The following MKLN1 variants were observed in gnomAD, a reference collection of about 807,000 sequenced individuals.
MKLN1 encodes the protein muskelin.
MKLN1 carries 18 observed loss-of-function variants against 99.0 expected under a neutral mutation model. The ratio of observed to expected loss-of-function variants is 0.18; its 90% CI spans 0.13 to 0.27. The LOEUF is 0.27. MKLN1 is among the 10% of genes least tolerant of loss of function. The pLI, the probability that MKLN1 is intolerant of heterozygous loss-of-function variation, is 1.00. For missense variants in MKLN1, 621 were observed against 875.9 expected, an observed-to-expected ratio of 0.71 and a Z score of 3.67; for synonymous variants, 288 against 293.2, an observed-to-expected ratio of 0.98 and a Z score of 0.18.
chr7:131,485,645 G>T (rs1044358645), intron 17 of MKLN1, among the ~76,000 whole-genome samples: 1 of 152,082 alleles, frequency 6.6e-6, no homozygotes, highest in Non-Finnish European at 1.5e-5. Context: ...GCCTTCTGAG[G>T]TGATGCACTG....
intron 12 of MKLN1, among the ~76,000 whole-genome samples, chr7:131,462,421 C>T (rs1326290951): frequency 1.3e-5 from 2 of 152,160 alleles, no homozygotes; most frequent in Non-Finnish European, 2.9e-5. Context: ...CTGCGTTTTA[C>T]CTTTTATCAA....
At chr7:131,300,697 A>AAC (rs1315049413) in intron 3 of MKLN1, among the ~76,000 whole-genome samples, 53 of 122,380 alleles carry the variant, frequency 4.3e-4, no homozygotes, top group African/African-American at 1.3e-3. Flanking sequence ...CAAAAAAAAA[A>AAC]AAACAACCAA....
In MKLN1 at chr7:131,171,567, C is replaced by G. The variant is rs186349178; in HGVS notation, c.-297+28626C>G. On this transcript the variant is annotated intron_variant, in intron 2 of 7. Transcript: ENST00000416992. ...CTGCCTCATGGGTTCAAGCGATTTC[C>G]TGCCTCAGCCTCCCAAGTAGCTGGG... is the stretch of plus-strand genomic sequence containing the variant. 8.3e-4 allele frequency among the ~76,000 whole-genome samples: 127 copies of G among 152,218 alleles called. 1 individual carries two copies. The highest frequency in any genetic ancestry group is 3.4e-3 in the Middle Eastern group (1 of 294).
At chr7:131,349,362 A>T (rs1799653869) in intron 1 of MKLN1, among the ~76,000 whole-genome samples, 1 of 151,946 alleles carries the variant, frequency 6.6e-6, no homozygotes, top group East Asian at 1.9e-4. Flanking sequence ...CGCCCAGCTA[A>T]TTTTTTGTAT....
chr7:131,184,192 A>G (rs909693420), intron 2 of MKLN1, among the ~76,000 whole-genome samples: 4 of 152,078 alleles, frequency 2.6e-5, no homozygotes, highest in East Asian at 1.9e-4. Flanking sequence ...GCATGATCAC[A>G]GGCATGACTA....
chr7:131,223,054 T>C (rs1374397185), intron 3 of MKLN1, among the ~76,000 whole-genome samples: 4 of 151,918 alleles, frequency 2.6e-5, no homozygotes, highest in Admixed American at 2.0e-4. Context: ...AATAAATAAA[T>C]ACAGTTTCAG....
chr7:131,296,992 G>T (rs894405986), intron 3 of MKLN1, among the ~76,000 whole-genome samples: 1 of 152,046 alleles, frequency 6.6e-6, no homozygotes, highest in African/African-American at 2.4e-5. Context: ...ACCTGCCTCA[G>T]CCTCCCAAAG....
intron 3 of MKLN1, among the ~76,000 whole-genome samples, chr7:131,292,963 A>G (rs1798243413): frequency 6.6e-6 from 1 of 152,264 alleles, no homozygotes. Context: ...TGATGCAGTA[A>G]GAGGTACACA....
chr7:131,284,475 A>T (rs1196378831), intron 3 of MKLN1, among the ~76,000 whole-genome samples: 1 of 152,100 alleles, frequency 6.6e-6, no homozygotes, highest in Non-Finnish European at 1.5e-5. Context: ...CGCTGAGGTT[A>T]CTCTGGTGCT....
At chr7:131,447,076 C>T (rs998389511) in intron 12 of MKLN1, among the ~76,000 whole-genome samples, 2 of 152,196 alleles carry the variant, frequency 1.3e-5, no homozygotes, top group African/African-American at 4.8e-5. Context: ...CAGTAAATTT[C>T]TTGGCTTTAC....
chr7:131,171,756 C>A (rs1032088964), intron 2 of MKLN1, among the ~76,000 whole-genome samples: 1 of 152,176 alleles, frequency 6.6e-6, no homozygotes, highest in Non-Finnish European at 1.5e-5. Flanking sequence ...CCTCGCCTAG[C>A]CTGTTTGAAT....
chr7:131,179,923 C>T (rs1796355537), intron 2 of MKLN1, among the ~76,000 whole-genome samples: 4 of 149,600 alleles, frequency 2.7e-5, no homozygotes, highest in Admixed American at 6.7e-5. Context: ...GACAAGGTCT[C>T]GCTCTGTCAT....
chr7:131,366,241 A>G lies in MKLN1; in HGVS notation c.99-9183A>G, dbSNP rs190985123. On this transcript the variant is annotated intron_variant, in intron 1 of 17. Coordinates refer to ENST00000352689, the MANE Select transcript of MKLN1 (RefSeq NM_013255.5). ...TTCTAGTTGAAGTTGATTTTTTTTC[A>G]GATCCATTTTATCATATGATTCAAC... Among the ~76,000 whole-genome samples the G allele has an allele frequency of 8.5e-5, 13 of 152,264 alleles. No homozygotes were observed. In the East Asian group the frequency reaches 2.3e-3, roughly 27 times the overall value.
intron 3 of MKLN1, among the ~76,000 whole-genome samples, chr7:131,267,089 T>C (rs1299677957): frequency 6.6e-6 from 1 of 151,968 alleles, no homozygotes; most frequent in African/African-American, 2.4e-5. Flanking sequence ...TCCTAGCACT[T>C]TGGGAGGCCG....
chr7:131,446,837 G>A (rs1796031903), intron 12 of MKLN1, among the ~76,000 whole-genome samples: 1 of 152,164 alleles, frequency 6.6e-6, no homozygotes, highest in Admixed American at 6.5e-5. Context: ...GTCCAGAGAC[G>A]GACATGGGAG....
chr7:131,473,700 A>G (rs1160887370), intron 16 of MKLN1, among the ~76,000 whole-genome samples: 1 of 152,216 alleles, frequency 6.6e-6, no homozygotes, highest in African/African-American at 2.4e-5. Flanking sequence ...CATTCATTTA[A>G]CAGTTGTGTA....
intron 2 of MKLN1, among the ~76,000 whole-genome samples, chr7:131,200,931 T>C (rs553706698): frequency 2.2e-4 from 33 of 152,206 alleles, no homozygotes; most frequent in Non-Finnish European, 4.0e-4. Flanking sequence ...TTTACTGTTA[T>C]TGTATTTAAC....
chr7:131,153,837 A>C (rs1424402939), intron 2 of MKLN1, among the ~76,000 whole-genome samples: 1 of 151,714 alleles, frequency 6.6e-6, no homozygotes, highest in Non-Finnish European at 1.5e-5. Context: ...TAATTTTTGT[A>C]TTTTTAGTAG....
chr7:131,410,698 G>C (rs1454200453), intron 6 of MKLN1, among the ~76,000 whole-genome samples: 1 of 152,042 alleles, frequency 6.6e-6, no homozygotes, highest in African/African-American at 2.4e-5. Flanking sequence ...TAAAGATTAA[G>C]AATTTCATAG....
Sources: gnomAD v4.1 joint callset for allele counts (sites outside exome capture counted in the v4.1 genomes callset) on GRCh38, gnomAD v4.1.1 for gene constraint, MANE v1.5 for transcripts, NCBI Gene and HGNC (gene_info 2026-07-23, HGNC 2026-07-21) for gene names.